The following IKBKB variants were observed in gnomAD, a reference collection of about 807,000 sequenced individuals.
The protein encoded by IKBKB is inhibitor of nuclear factor kappa-B kinase subunit beta.
Under a neutral mutation model 113.6 loss-of-function variants are expected in IKBKB, and 42 were observed. That is an observed-to-expected ratio of 0.37 (90% CI 0.29 to 0.48). IKBKB has a LOEUF of 0.48. Among genes scored for constraint, IKBKB ranks in the 20% least tolerant of loss-of-function variants. IKBKB has a pLI of 0.99. For missense variants in IKBKB, 673 were observed against 939.7 expected, an observed-to-expected ratio of 0.72 and a Z score of 3.71; for synonymous variants, 296 against 361.3, an observed-to-expected ratio of 0.82 and a Z score of 2.05.
chr8:42,331,219 C>T lies in IKBKB; in HGVS notation c.*240C>T, dbSNP rs775659098. On this transcript the variant is annotated 3_prime_UTR_variant, in exon 22 of 22. Transcript: ENST00000520810. ...ACCCAGGACCCAGGACGCAGCCCTC[C>T]GTGGGCACTGCCGGCGCCTTGTCTG... is the stretch of plus-strand genomic sequence containing the variant. The T allele has an allele frequency of 6.9e-5, 50 of 729,496 alleles. 1 individual carries two copies. Among genetic ancestry groups the T allele is most frequent in the Middle Eastern group, 7.0e-4 (2 of 2,852 alleles). The allele number at this position is 729,496 out of a possible 1,614,324, so 45.2% of individuals were successfully genotyped here. A position where few individuals can be genotyped will look rare whatever the true frequency, so the allele number is the denominator to read the frequency against.
chr8:42,272,260 G>A, intron 2 of IKBKB, 55 bp downstream of exon 2: 2 of 1,611,916 alleles, frequency 1.2e-6, no homozygotes, highest in Non-Finnish European at 8.5e-7. Context: ...CCTCCTCACT[G>A]CCTCCACTTT....
At chr8:42,323,169 G>A (rs1400621770) in intron 19 of IKBKB, among the ~76,000 whole-genome samples, 3 of 152,222 alleles carry the variant, frequency 2.0e-5, no homozygotes, top group Non-Finnish European at 4.4e-5. Context: ...AAGTAGTCCA[G>A]GGTGATGTCA....
chr8:42,289,319 G>A (rs765602567), intron 3 of IKBKB, among the ~76,000 whole-genome samples: 7 of 152,232 alleles, frequency 4.6e-5, no homozygotes, highest in Non-Finnish European at 7.3e-5. Flanking sequence ...AGGAAGAGCA[G>A]CTAAAGTCCA....
intron 2 of IKBKB, among the ~76,000 whole-genome samples, chr8:42,285,399 T>TA (rs1338095230): frequency 6.7e-6 from 1 of 149,394 alleles, no homozygotes; most frequent in Non-Finnish European, 1.5e-5. Context: ...AAAATAAAAA[T>TA]AAAAAAAATT....
chr8:42,309,069 G>C lies in IKBKB; in HGVS notation c.692+44G>C, dbSNP rs1227681403. 5 of 1,590,532 alleles carry C rather than the reference G, an allele frequency of 3.1e-6. No homozygotes were observed. In the East Asian group the frequency reaches 1.1e-4, roughly 36 times the overall value. ...CCTGGATGGAGGAGGGAGCCTGTCT[G>C]TTCCTTTCTCTTCACGTACCCTGTT... On this transcript the variant is annotated intron_variant, in intron 8 of 21. Transcript: ENST00000520810.
At chr8:42,330,299 GC>G in intron 21 of IKBKB, 1 of 983,892 alleles carries the variant, frequency 1.0e-6, no homozygotes. Flanking sequence ...AGAGTACCCT[GC>G]AGTCACAAGA....
intron 20 of IKBKB, 101 bp from the exon 21 acceptor site, chr8:42,329,023 T>G: frequency 2.3e-6 from 2 of 886,846 alleles, no homozygotes. Flanking sequence ...TTACTTCATT[T>G]AAAAAGTATT....
In IKBKB at chr8:42,306,706, G is replaced by T. The variant is rs530018670; in HGVS notation, c.567+274G>T. Among the ~76,000 whole-genome samples the T allele has an allele frequency of 2.1e-4, 32 of 152,352 alleles. No homozygotes were observed. In the East Asian group the frequency reaches 4.6e-3, roughly 22 times the overall value. ...CTCTCTGTGCTTCAGTGTCTTCTCT[G>T]AAAGGAAAGGGTTTTAAACAGATCC... On this transcript the variant is annotated intron_variant, in intron 7 of 21. Transcript: ENST00000520810.
intron 5 of IKBKB, among the ~76,000 whole-genome samples, chr8:42,301,210 C>G (rs537161311): frequency 2.0e-5 from 3 of 152,324 alleles, no homozygotes; most frequent in African/African-American, 7.2e-5. Context: ...CTTCTCACAG[C>G]TCTTCTCTGT....
At chr8:42,277,200 T>TTTTTTGA in intron 2 of IKBKB, among the ~76,000 whole-genome samples, 1 of 146,964 alleles carries the variant, frequency 6.8e-6, no homozygotes, top group Non-Finnish European at 1.5e-5. Flanking sequence ...TTTTTTTTTT[T>TTTTTTGA]GCAACGGAGT....
At chr8:42,329,354 T>C in intron 21 of IKBKB, 140 bp downstream of exon 21, 1 of 1,278,438 alleles carries the variant, frequency 7.8e-7, no homozygotes, top group Non-Finnish European at 1.0e-6. Context: ...ACAGGGTCTC[T>C]CTCTCTCACC....
intron 2 of IKBKB, among the ~76,000 whole-genome samples, chr8:42,280,596 TCTC>T (rs879434667): frequency 3.9e-5 from 6 of 151,974 alleles, no homozygotes; most frequent in Non-Finnish European, 7.4e-5. Flanking sequence ...CCAATACTGA[TCTC>T]CTCAGTGCTG....
intron 4 of IKBKB, 124 bp downstream of exon 4, chr8:42,290,397 C>A (rs1812367529): frequency 1.4e-6 from 1 of 703,702 alleles, no homozygotes; most frequent in Non-Finnish European, 2.5e-6. Flanking sequence ...GTGACTCCAG[C>A]AGGGCTGCTT....
intron 21 of IKBKB, chr8:42,329,731 C>T: frequency 5.1e-6 from 5 of 985,340 alleles, no homozygotes; most frequent in Non-Finnish European, 6.0e-6. Context: ...GGAGCAGGAA[C>T]CAGCCATGGC....
chr8:42,293,327 CT>C, intron 4 of IKBKB, 115 bp from the exon 5 acceptor site: 2 of 1,321,306 alleles, frequency 1.5e-6, no homozygotes, highest in Middle Eastern at 3.9e-4. Context: ...AGCAGGTCCC[CT>C]AAAGACCAGG....
intron 2 of IKBKB, among the ~76,000 whole-genome samples, chr8:42,278,621 C>T (rs752731780): frequency 2.0e-5 from 3 of 152,164 alleles, no homozygotes; most frequent in African/African-American, 4.8e-5. Context: ...GTGTCACTGG[C>T]TCCGTCCCAG....
intron 7 of IKBKB, among the ~76,000 whole-genome samples, chr8:42,306,811 G>A (rs1055914633): frequency 6.6e-6 from 1 of 152,212 alleles, no homozygotes; most frequent in African/African-American, 2.4e-5. Context: ...GCCTGGCCGA[G>A]GCCACACTTT....
intron 5 of IKBKB, among the ~76,000 whole-genome samples, chr8:42,303,277 C>T (rs1815804580): frequency 6.6e-6 from 1 of 152,152 alleles, no homozygotes; most frequent in African/African-American, 2.4e-5. Context: ...AGAAACAGGT[C>T]ATACCATTAA....
intron 5 of IKBKB, chr8:42,298,106 G>T (rs1400011153): frequency 7.1e-6 from 7 of 985,256 alleles, no homozygotes; most frequent in Non-Finnish European, 8.4e-6. Flanking sequence ...TATTTAAACA[G>T]TCTTGCTCAT....
Sources: allele counts gnomAD v4.1 joint callset (sites outside exome capture counted in the v4.1 genomes callset), GRCh38; gene constraint gnomAD v4.1.1; transcripts MANE v1.5; gene names NCBI Gene and HGNC (gene_info 2026-07-23, HGNC 2026-07-21).